Variants in CCND3 observed in about 807,000 individuals in gnomAD.
The protein encoded by CCND3 is G1/S-specific cyclin-D3.
Under a neutral mutation model 28.7 loss-of-function variants are expected in CCND3, and 9 were observed. The observed-to-expected ratio is 0.31, with a 90% CI of 0.19 to 0.55. The LOEUF is 0.55. Ranked by LOEUF, CCND3 falls within the 20% of genes least tolerant of loss-of-function variation. The probability of loss-of-function intolerance (pLI) is 0.93; values close to 1 mark genes in which losing one functional copy is unlikely to be tolerated. For missense variants in CCND3, 315 were observed against 385.8 expected (o/e 0.82, Z 1.54); for synonymous variants, 164 against 163.9 (o/e 1.00, Z 0.00).
intron 1 of CCND3, among the ~76,000 whole-genome samples, chr6:42,025,636 C>A (rs1763853542): frequency 6.6e-6 from 1 of 152,232 alleles, no homozygotes; most frequent in African/African-American, 2.4e-5. Flanking sequence ...CCATCCTGCA[C>A]CCCGGCCGCC....
intron 1 of CCND3, among the ~76,000 whole-genome samples, chr6:42,001,233 T>TAA (rs1763000744): frequency 5.7e-4 from 1 of 1,746 alleles, no homozygotes. Context: ...AGACCCCATC[T>TAA]CAAAAAAAAA....
chr6:41,964,271 A>G (rs1761793188), intron 1 of CCND3, among the ~76,000 whole-genome samples: 1 of 151,258 alleles, frequency 6.6e-6, no homozygotes. Context: ...CACTTCCTCC[A>G]GCGTGTGTAT....
In CCND3 at chr6:41,990,435, GA is replaced by G. The variant is rs1001657724; in HGVS notation, c.-45-49851del. Among the ~76,000 whole-genome samples, 91 of 150,758 alleles carry G rather than the reference GA, an allele frequency of 6.0e-4. 1 individual carries two copies. The highest frequency in any genetic ancestry group is 6.8e-3 in the Middle Eastern group (2 of 292). Reference sequence around the variant, plus strand: ...TGTCAGTATATTCTTCATAGAAATAGAAAAAAAAATCCTAAAATTCATAAGA... The same window carrying G: ...TGTCAGTATATTCTTCATAGAAATAGAAAAAAAATCCTAAAATTCATAAGA... On this transcript the variant is annotated intron_variant, in intron 1 of 4. Coordinates refer to the CCND3 transcript ENST00000372988.
intron 1 of CCND3, among the ~76,000 whole-genome samples, chr6:41,999,498 C>T (rs887051478): frequency 3.3e-5 from 5 of 152,130 alleles, no homozygotes; most frequent in African/African-American, 9.7e-5. Context: ...GCCACCGTGC[C>T]TGGCCGATAA....
intron 1 of CCND3, among the ~76,000 whole-genome samples, chr6:42,005,929 G>A (rs1486340276): frequency 6.6e-6 from 1 of 152,098 alleles, no homozygotes; most frequent in African/African-American, 2.4e-5. Context: ...GTGATCACCC[G>A]CCTCAGCCTC....
intron 1 of CCND3, among the ~76,000 whole-genome samples, chr6:41,971,641 A>G (rs1305639689): frequency 6.6e-6 from 1 of 151,360 alleles, no homozygotes; most frequent in African/African-American, 2.4e-5. Flanking sequence ...TCCCAGGTTC[A>G]AGCAATTCTC....
chr6:41,978,371 C>CAAAA (rs575675626), intron 1 of CCND3, among the ~76,000 whole-genome samples: 27 of 128,128 alleles, frequency 2.1e-4, no homozygotes, highest in Non-Finnish European at 3.9e-4. Flanking sequence ...GACTCCATCT[C>CAAAA]AAAAAAAAAA....
chr6:41,956,820 A>AG (rs1338016283), intron 1 of CCND3, among the ~76,000 whole-genome samples: 1 of 151,562 alleles, frequency 6.6e-6, no homozygotes, highest in East Asian at 1.9e-4. Flanking sequence ...CGAGGTGGGG[A>AG]GATCGAGACC....
At chr6:41,943,099 T>C (rs1031615840), upstream of CCND3, among the ~76,000 whole-genome samples, 1 of 152,056 alleles carries the variant, frequency 6.6e-6, no homozygotes, top group African/African-American at 2.4e-5. Context: ...CCTGACCTCG[T>C]GATCCGCCGG....
intron 1 of CCND3, among the ~76,000 whole-genome samples, chr6:42,027,210 C>T (rs997525084): frequency 1.3e-5 from 2 of 152,040 alleles, no homozygotes; most frequent in Admixed American, 6.6e-5. Flanking sequence ...GAGGCCGAGA[C>T]GGGCAGATCA....
At chr6:41,977,862 C>T (rs976611876) in intron 1 of CCND3, among the ~76,000 whole-genome samples, 6 of 152,084 alleles carry the variant, frequency 3.9e-5, no homozygotes, top group Non-Finnish European at 7.3e-5. Context: ...ACCTCCCAGC[C>T]TGGCCAACAT....
chr6:41,950,520 T>C (rs998291054), intron 1 of CCND3, among the ~76,000 whole-genome samples: 4 of 152,056 alleles, frequency 2.6e-5, no homozygotes, highest in Non-Finnish European at 4.4e-5. Context: ...CTATTTCATA[T>C]GGTGAATGAG....
intron 2 of CCND3, 98 bp from the exon 3 acceptor site, chr6:41,937,492 A>G (rs964473984): frequency 2.1e-6 from 3 of 1,440,658 alleles, no homozygotes; most frequent in African/African-American, 2.8e-5. Context: ...AGCCCATCAA[A>G]CTTTTAAAGC....
intron 1 of CCND3, among the ~76,000 whole-genome samples, chr6:42,010,432 G>A (rs1763309090): frequency 6.6e-6 from 1 of 152,130 alleles, no homozygotes; most frequent in Admixed American, 6.5e-5. Context: ...GGGGGAGGGA[G>A]TTGGAAGGAG....
chr6:41,965,600 G>T (rs556610715), intron 1 of CCND3, among the ~76,000 whole-genome samples: 2 of 152,288 alleles, frequency 1.3e-5, no homozygotes, highest in Non-Finnish European at 2.9e-5. Context: ...CCACATTTAA[G>T]GGGTAGGTGG....
chr6:42,036,133 T>C (rs963098763), intron 1 of CCND3, among the ~76,000 whole-genome samples: 1 of 151,026 alleles, frequency 6.6e-6, no homozygotes, highest in African/African-American at 2.4e-5. Context: ...GTTGGGATTA[T>C]AGGCATGTGC....
intron 1 of CCND3, among the ~76,000 whole-genome samples, chr6:41,970,021 T>C (rs922107353): frequency 6.6e-5 from 10 of 151,938 alleles, no homozygotes; most frequent in South Asian, 2.1e-4. Context: ...CTAAGCAACA[T>C]AGCAGGACCT....
At chr6:42,018,062 T>A (rs1763576603) in intron 1 of CCND3, among the ~76,000 whole-genome samples, 1 of 151,552 alleles carries the variant, frequency 6.6e-6, no homozygotes, top group South Asian at 2.1e-4. Context: ...GGCAGGAGAA[T>A]CCCTTGAACC....
chr6:41,977,499 TGGGATTACA>T (rs1169665236), intron 1 of CCND3, among the ~76,000 whole-genome samples: 4 of 148,914 alleles, frequency 2.7e-5, no homozygotes, highest in Admixed American at 1.3e-4. Context: ...CCAAAGTAGC[TGGGATTACA>T]GGCACCTGCC....
Sources: allele counts gnomAD v4.1 joint callset (sites outside exome capture counted in the v4.1 genomes callset), GRCh38; gene constraint gnomAD v4.1.1; transcripts MANE v1.5; gene names NCBI Gene and HGNC (gene_info 2026-07-23, HGNC 2026-07-21).